The following FAM178B variants were observed in gnomAD, a reference collection of about 807,000 sequenced individuals.
The protein encoded by FAM178B is family with sequence similarity 178 member B, also known as protein FAM178B.
Under a neutral mutation model 91.7 loss-of-function variants are expected in FAM178B, and 82 were observed. That is an observed-to-expected ratio of 0.89 (90% CI 0.75 to 1.07). FAM178B has a LOEUF of 1.07. Among genes scored for constraint, FAM178B ranks in the 50% least tolerant of loss-of-function variants. FAM178B has a pLI of 0.00. For synonymous variants in FAM178B, 368 were observed against 359.4 expected (o/e 1.02, Z -0.27); for missense variants, 769 against 846.7 (o/e 0.91, Z 1.14).
intron 12 of FAM178B, among the ~76,000 whole-genome samples, chr2:96,911,527 C>A (rs959225964): frequency 1.3e-5 from 2 of 152,170 alleles, no homozygotes; most frequent in Non-Finnish European, 2.9e-5. Flanking sequence ...CAGGCTGCAC[C>A]GTGGCATTTC....
At chr2:96,968,458 C>A (rs1189756644) in intron 4 of FAM178B, among the ~76,000 whole-genome samples, 1 of 152,130 alleles carries the variant, frequency 6.6e-6, no homozygotes, top group Non-Finnish European at 1.5e-5. Context: ...GCCTCCCCAG[C>A]CCCTGTCTGG....
rs564459888 is a variant in FAM178B, at chr2:96,916,373, C to T, written c.1562+4792G>A. ...AGGGCTGGTTTCGTGAGCCGTTTTA[C>T]GCAGGCTTTGTCCATTCCTCCATCT... On this transcript the variant is annotated intron_variant, in intron 12 of 16. Coordinates refer to ENST00000490605, the MANE Select transcript of FAM178B (RefSeq NM_001122646.3). 2.6e-5 allele frequency among the ~76,000 whole-genome samples: 4 copies of T among 152,338 alleles called. No individual in the cohort carries two copies. In the East Asian group the frequency reaches 5.8e-4, roughly 22 times the overall value.
chr2:96,984,024 T>C (rs2082394048), intron 1 of FAM178B, among the ~76,000 whole-genome samples: 1 of 152,144 alleles, frequency 6.6e-6, no homozygotes. Flanking sequence ...GGCTGGAGTG[T>C]AATGGCACAA....
chr2:96,881,915 C>T (rs920142543), intron 14 of FAM178B, among the ~76,000 whole-genome samples: 2 of 152,174 alleles, frequency 1.3e-5, no homozygotes, highest in South Asian at 4.1e-4. Flanking sequence ...GGGTGCATGT[C>T]TTCCTTGCAT....
intron 12 of FAM178B, among the ~76,000 whole-genome samples, chr2:96,908,692 T>C (rs2081099354): frequency 6.6e-6 from 1 of 152,162 alleles, no homozygotes; most frequent in Non-Finnish European, 1.5e-5. Context: ...ACATGGATGA[T>C]CTCTTTTGCA....
chr2:96,957,771 T>C (rs920578821), intron 6 of FAM178B, among the ~76,000 whole-genome samples: 1 of 152,154 alleles, frequency 6.6e-6, no homozygotes, highest in Non-Finnish European at 1.5e-5. Context: ...ATCTATCTAT[T>C]TATTAAATAC....
chr2:96,960,936 C>G (rs972764096), intron 5 of FAM178B, among the ~76,000 whole-genome samples: 1 of 152,076 alleles, frequency 6.6e-6, no homozygotes, highest in African/African-American at 2.4e-5. Flanking sequence ...GTGGCATGGG[C>G]GTGGGCGGAA....
At chr2:96,884,902 A>T (rs1220740351) in intron 14 of FAM178B, among the ~76,000 whole-genome samples, 1 of 152,228 alleles carries the variant, frequency 6.6e-6, no homozygotes, top group Non-Finnish European at 1.5e-5. Flanking sequence ...AGCCCTAGTG[A>T]GGAAGAAATG....
intron 12 of FAM178B, among the ~76,000 whole-genome samples, chr2:96,903,754 C>G (rs1310757737): frequency 6.6e-6 from 1 of 152,200 alleles, no homozygotes; most frequent in Admixed American, 6.5e-5. Flanking sequence ...CTCACCCCAG[C>G]CTTGCATGCA....
intron 9 of FAM178B, among the ~76,000 whole-genome samples, chr2:96,925,092 G>C (rs1274521282): frequency 6.6e-6 from 1 of 152,096 alleles, no homozygotes; most frequent in Non-Finnish European, 1.5e-5. Flanking sequence ...GCGCAGGCTG[G>C]GCCTGCGCCA....
intron 9 of FAM178B, among the ~76,000 whole-genome samples, chr2:96,924,794 G>A (rs2081407404): frequency 6.6e-6 from 1 of 152,224 alleles, no homozygotes; most frequent in Non-Finnish European, 1.5e-5. Context: ...AGATATTGAT[G>A]ACAACCACAC....
chr2:96,973,264 G>C (rs1039004397), intron 1 of FAM178B, among the ~76,000 whole-genome samples: 3 of 150,554 alleles, frequency 2.0e-5, no homozygotes, highest in Admixed American at 2.0e-4. Context: ...GAAAAGCTAT[G>C]TTCTGAGATG....
intron 12 of FAM178B, among the ~76,000 whole-genome samples, chr2:96,905,126 G>T (rs1250923341): frequency 6.6e-6 from 1 of 151,540 alleles, no homozygotes; most frequent in Non-Finnish European, 1.5e-5. Context: ...TGGGGGTGGG[G>T]GGCAGGTTCT....
chr2:96,926,391 G>A (rs2081438877), intron 9 of FAM178B, among the ~76,000 whole-genome samples: 1 of 152,214 alleles, frequency 6.6e-6, no homozygotes, highest in Admixed American at 6.5e-5. Context: ...CCAGGCCTGC[G>A]CATCAGAGCA....
At chr2:96,961,221 G>C (rs2082076127) in intron 5 of FAM178B, among the ~76,000 whole-genome samples, 1 of 152,214 alleles carries the variant, frequency 6.6e-6, no homozygotes, top group African/African-American at 2.4e-5. Context: ...GGGAGGCAGC[G>C]AAGATGTTTC....
intron 12 of FAM178B, among the ~76,000 whole-genome samples, chr2:96,911,695 T>C (rs567841710): frequency 6.6e-6 from 1 of 152,280 alleles, no homozygotes; most frequent in South Asian, 2.1e-4. Context: ...CCAAGGGGGT[T>C]GCAGGAAGAG....
At chr2:96,932,938 T>TCA (rs2081564994) in intron 8 of FAM178B, among the ~76,000 whole-genome samples, 1 of 66,548 alleles carries the variant, frequency 1.5e-5, no homozygotes, top group Non-Finnish European at 2.4e-5. Flanking sequence ...AGACTCCGTC[T>TCA]CACAAAAAAA....
intron 12 of FAM178B, among the ~76,000 whole-genome samples, chr2:96,920,618 A>T (rs1024894186): frequency 6.6e-6 from 1 of 152,042 alleles, no homozygotes; most frequent in South Asian, 2.1e-4. Flanking sequence ...GAAAAAAAAA[A>T]TTTACAGAGC....
chr2:96,899,849 C>T lies in FAM178B; in HGVS notation c.1650+2771G>A, dbSNP rs553250255. ...CTGCCTCCCGCGCCCCCATTCCCCA[C>T]TCTTTTTTTTTTTTTTTTTTTTTTT... On this transcript the variant is annotated intron_variant, in intron 13 of 16. Coordinates refer to ENST00000490605, the MANE Select transcript of FAM178B (RefSeq NM_001122646.3). Among the ~76,000 whole-genome samples, 3 of 136,346 alleles carry T rather than the reference C, an allele frequency of 2.2e-5. No homozygotes were observed. The East Asian group carries it at 7.0e-4, about 32-fold the overall frequency. 89.4% of individuals were successfully genotyped at this position (136,346 alleles called of 152,430 possible).
Sources: allele counts gnomAD v4.1 joint callset (sites outside exome capture counted in the v4.1 genomes callset), GRCh38; gene constraint gnomAD v4.1.1; transcripts MANE v1.5; gene names NCBI Gene and HGNC (gene_info 2026-07-23, HGNC 2026-07-21).